PATJ: variants seen among roughly 807,000 people sequenced by gnomAD.
PATJ encodes the protein PATJ crumbs cell polarity complex component.
In PATJ, 190 loss-of-function variants were observed where a neutral mutation model predicts 224.9. That is an observed-to-expected ratio of 0.84 (90% CI 0.75 to 0.95). The LOEUF is 0.95. PATJ is among the 40% of genes least tolerant of loss of function. The pLI, the probability that PATJ is intolerant of heterozygous loss-of-function variation, is 0.00. For missense variants in PATJ, 2,121 were observed against 2,270.3 expected, an observed-to-expected ratio of 0.93 and a Z score of 1.34; for synonymous variants, 769 against 820.3, an observed-to-expected ratio of 0.94 and a Z score of 1.07.
chr1:61,974,749 C>G (rs1011124048), intron 27 of PATJ, among the ~76,000 whole-genome samples: 1 of 152,066 alleles, frequency 6.6e-6, no homozygotes, highest in South Asian at 2.1e-4. Flanking sequence ...AACTCATTCT[C>G]TATCTCCTAG....
intron 28 of PATJ, among the ~76,000 whole-genome samples, chr1:62,010,172 A>T (rs1254837490): frequency 6.6e-6 from 1 of 151,680 alleles, no homozygotes; most frequent in East Asian, 1.9e-4. Flanking sequence ...TGATCGTGAG[A>T]TTGTAGCAAT....
At chr1:62,127,615 G>A (rs1665858490) in intron 39 of PATJ, among the ~76,000 whole-genome samples, 1 of 152,084 alleles carries the variant, frequency 6.6e-6, no homozygotes, top group African/African-American at 2.4e-5. Flanking sequence ...AGACCTGCCT[G>A]GCCAACATGG....
intron 30 of PATJ, among the ~76,000 whole-genome samples, chr1:62,044,022 GGCCAACA>G (rs1652037532): frequency 6.6e-6 from 1 of 152,086 alleles, no homozygotes; most frequent in Non-Finnish European, 1.5e-5. Flanking sequence ...CACTGCACCT[GGCCAACA>G]TGATGTTTTG....
At chr1:62,106,398 G>A (rs1215354034) in intron 33 of PATJ, among the ~76,000 whole-genome samples, 1 of 150,802 alleles carries the variant, frequency 6.6e-6, no homozygotes, top group Non-Finnish European at 1.5e-5. Flanking sequence ...CTGAGCCCGG[G>A]AGGTCGAAGC....
At chr1:62,042,628 T>C (rs750312377) in intron 30 of PATJ, among the ~76,000 whole-genome samples, 1 of 152,164 alleles carries the variant, frequency 6.6e-6, no homozygotes, top group Non-Finnish European at 1.5e-5. Context: ...TATTTCTTTG[T>C]TCAGCAAATG....
At chr1:61,871,552 TATA>T (rs1666590963) in intron 20 of PATJ, among the ~76,000 whole-genome samples, 2 of 19,290 alleles carry the variant, frequency 1.0e-4, no homozygotes, top group Non-Finnish European at 2.5e-4. Context: ...TATATATATA[TATA>T]TATTTTTTTT....
At chr1:61,847,647 G>A (rs966319276) in intron 17 of PATJ, among the ~76,000 whole-genome samples, 1 of 152,182 alleles carries the variant, frequency 6.6e-6, no homozygotes, top group Admixed American at 6.5e-5. Context: ...AGATAAGATA[G>A]CTTGCTCATT....
At chr1:61,952,113 C>T in intron 27 of PATJ, 1 of 421,970 alleles carries the variant, frequency 2.4e-6, no homozygotes, top group South Asian at 5.7e-5. Flanking sequence ...GATTTTGCTT[C>T]TCCGGCATAG....
chr1:61,901,239 T>G lies in PATJ; in HGVS notation c.3204-43T>G, dbSNP rs751133534. 3.8e-6 allele frequency: 5 copies of G among 1,319,552 alleles called. No homozygotes were observed. The South Asian group carries it at 6.6e-5, about 17-fold the overall frequency. 81.7% of individuals were successfully genotyped at this position (1,319,552 alleles called of 1,614,324 possible). ...ATGGAATACTTACAGTCCAACAGAT[T>G]AAACTTGTTGATGAGTGAGTTTTGT... On this transcript the variant is annotated intron_variant, in intron 23 of 43. Coordinates refer to ENST00000642238, the MANE Select transcript of PATJ (RefSeq NM_001350145.3).
intron 29 of PATJ, among the ~76,000 whole-genome samples, chr1:62,026,000 G>C (rs551608387): frequency 1.4e-4 from 22 of 152,284 alleles, no homozygotes; most frequent in African/African-American, 5.3e-4. Flanking sequence ...ACATGCCTCA[G>C]GCCTCCTGTG....
chr1:62,088,929 C>G (rs1426187269), intron 33 of PATJ, among the ~76,000 whole-genome samples: 1 of 150,530 alleles, frequency 6.6e-6, no homozygotes, highest in Non-Finnish European at 1.5e-5. Flanking sequence ...GTGATGGCTG[C>G]TTCCAAGGCG....
intron 31 of PATJ, chr1:62,073,203 T>A: frequency 1.0e-6 from 1 of 985,418 alleles, no homozygotes; most frequent in South Asian, 4.7e-5. Context: ...TTTTATTACT[T>A]GACAGGAGGT....
At chr1:61,813,574 G>A (rs1045456050) in intron 14 of PATJ, among the ~76,000 whole-genome samples, 1 of 151,398 alleles carries the variant, frequency 6.6e-6, no homozygotes, top group African/African-American at 2.4e-5. Context: ...CTGGGTGCTC[G>A]GGTTCCAGAA....
intron 27 of PATJ, among the ~76,000 whole-genome samples, chr1:61,935,829 TA>T (rs1676777300): frequency 6.6e-6 from 1 of 152,006 alleles, no homozygotes; most frequent in Non-Finnish European, 1.5e-5. Context: ...CCGATGCAAA[TA>T]AAAACTTAGA....
intron 32 of PATJ, among the ~76,000 whole-genome samples, chr1:62,080,891 A>G (rs973240552): frequency 6.6e-6 from 1 of 152,224 alleles, no homozygotes; most frequent in Non-Finnish European, 1.5e-5. Flanking sequence ...CTGGCCTACC[A>G]GCTAGTTGTG....
At chr1:61,899,260 A>G (rs1026823014) in intron 22 of PATJ, among the ~76,000 whole-genome samples, 1 of 152,176 alleles carries the variant, frequency 6.6e-6, no homozygotes, top group Non-Finnish European at 1.5e-5. Flanking sequence ...TAAGGAATAC[A>G]TTTTATAACA....
chr1:61,752,303 A>ATTTC lies in PATJ; in HGVS notation c.-36+9756_-36+9759dup, dbSNP rs1357935679. Reference sequence around the variant, plus strand: ...TTATTCTGAAAAACTGACTCTTTTCATTTCTTTCTTTTTTTTTTTTTTTTT... The same window carrying ATTTC: ...TTATTCTGAAAAACTGACTCTTTTCATTTCTTTCTTTCTTTTTTTTTTTTTTTTT... On this transcript the variant is annotated intron_variant, in intron 1 of 43. Coordinates refer to ENST00000642238, the MANE Select transcript of PATJ (RefSeq NM_001350145.3). 5.3e-4 allele frequency among the ~76,000 whole-genome samples: 73 copies of ATTTC among 136,930 alleles called. 1 individual carries two copies. Among genetic ancestry groups the ATTTC allele is most frequent in the South Asian group, 7.0e-4 (3 of 4,310 alleles). 89.8% of individuals were successfully genotyped at this position (136,930 alleles called of 152,430 possible).
intron 27 of PATJ, among the ~76,000 whole-genome samples, chr1:61,942,212 T>C (rs141400319): frequency 0.012 from 1,873 of 152,328 alleles, 41 homozygotes; most frequent in African/African-American, 0.042. Context: ...AGAAAAAATA[T>C]ATGCTTTCAA....
At chr1:62,126,932 T>C (rs576721379) in intron 39 of PATJ, among the ~76,000 whole-genome samples, 1 of 152,324 alleles carries the variant, frequency 6.6e-6, no homozygotes, top group South Asian at 2.1e-4. Flanking sequence ...CATTTAATGC[T>C]CAGACCAACA....
Sources: allele counts gnomAD v4.1 joint callset (sites outside exome capture counted in the v4.1 genomes callset), GRCh38; gene constraint gnomAD v4.1.1; transcripts MANE v1.5; gene names NCBI Gene and HGNC (gene_info 2026-07-23, HGNC 2026-07-21).